Variants in SUZ12 observed in about 807,000 individuals in gnomAD.
SUZ12 encodes polycomb protein SUZ12.
Under a neutral mutation model 87.3 loss-of-function variants are expected in SUZ12, and 17 were observed. That is an observed-to-expected ratio of 0.19 (90% CI 0.13 to 0.29). SUZ12 has a LOEUF of 0.29. Ranked by LOEUF, SUZ12 falls within the 10% of genes least tolerant of loss-of-function variation. The probability of loss-of-function intolerance (pLI) is 1.00; values close to 1 mark genes in which losing one functional copy is unlikely to be tolerated. For missense variants in SUZ12, 526 were observed against 912.2 expected, an observed-to-expected ratio of 0.58 and a Z score of 5.45; for synonymous variants, 253 against 312.4, an observed-to-expected ratio of 0.81 and a Z score of 2.01.
At chr17:31,983,865 T>G (rs1909260236) in intron 9 of SUZ12, among the ~76,000 whole-genome samples, 1 of 152,242 alleles carries the variant, frequency 6.6e-6, no homozygotes, top group Non-Finnish European at 1.5e-5. Context: ...GAATTTAGAT[T>G]AAGCGTACTT....
chr17:31,958,011 T>C (rs929495465), intron 4 of SUZ12, among the ~76,000 whole-genome samples: 1 of 147,744 alleles, frequency 6.8e-6, no homozygotes, highest in African/African-American at 2.5e-5. Context: ...CATGCCATTC[T>C]CCTGCCTCAG....
chr17:31,982,339 TTTG>T (rs1341175522), intron 8 of SUZ12, among the ~76,000 whole-genome samples: 7 of 102,816 alleles, frequency 6.8e-5, no homozygotes, highest in African/African-American at 3.0e-4. Context: ...ACAAGCATTG[TTTG>T]TAACACTATT....
At position 31,947,756 on chromosome 17, in the gene SUZ12, C is replaced by T. The variant is rs2142129049; in HGVS notation, c.455+71C>T. 18 of 1,438,094 alleles carry T rather than the reference C, an allele frequency of 1.3e-5. 1 individual carries two copies. In the South Asian group the frequency reaches 2.4e-4, roughly 19 times the overall value. The allele number at this position is 1,438,094 out of a possible 1,614,324, so 89.1% of individuals were successfully genotyped here. Reference sequence around the variant, plus strand: ...GAGGAAAAATTACAGTGATCATTTTCCTAGTGATCACCTTGATATAAGGAG... The same window carrying T: ...GAGGAAAAATTACAGTGATCATTTTTCTAGTGATCACCTTGATATAAGGAG... On this transcript the variant is annotated intron_variant, in intron 4 of 15. Transcript: ENST00000322652.
intron 15 of SUZ12, among the ~76,000 whole-genome samples, chr17:31,997,662 T>G (rs1297286707): frequency 2.2e-5 from 2 of 89,822 alleles, no homozygotes; most frequent in African/African-American, 1.2e-4. Flanking sequence ...TGAGACCCTA[T>G]CTCCAAAAAA....
intron 9 of SUZ12, among the ~76,000 whole-genome samples, chr17:31,984,135 C>T (rs1909275440): frequency 6.6e-6 from 1 of 152,034 alleles, no homozygotes; most frequent in South Asian, 2.1e-4. Context: ...ATACGATATA[C>T]AGTAGTACAT....
At chr17:31,958,110 A>T (rs1907472026) in intron 4 of SUZ12, among the ~76,000 whole-genome samples, 1 of 150,782 alleles carries the variant, frequency 6.6e-6, no homozygotes. Flanking sequence ...TCACCGTGTT[A>T]GCCAGGATGT....
chr17:31,996,108 G>T (rs969284484), intron 14 of SUZ12, among the ~76,000 whole-genome samples: 6 of 152,156 alleles, frequency 3.9e-5, no homozygotes, highest in Admixed American at 3.9e-4. Context: ...TATTCAGTTG[G>T]CTGAGGCAGG....
intron 10 of SUZ12, among the ~76,000 whole-genome samples, chr17:31,991,542 C>T (rs1909720998): frequency 6.6e-6 from 1 of 151,608 alleles, no homozygotes; most frequent in African/African-American, 2.4e-5. Context: ...ATATAAATAC[C>T]TTTTTTTCTT....
chr17:31,956,212 C>T (rs1907324734), intron 4 of SUZ12, among the ~76,000 whole-genome samples: 1 of 151,708 alleles, frequency 6.6e-6, no homozygotes, highest in African/African-American at 2.4e-5. Flanking sequence ...CACGCCCAGC[C>T]AGTATTACTA....
At chr17:31,995,834 T>A in intron 14 of SUZ12, 72 bp downstream of exon 14, 5 of 1,073,412 alleles carry the variant, frequency 4.7e-6, no homozygotes, top group Non-Finnish European at 6.7e-6. Flanking sequence ...TACTATGAAC[T>A]AGACTTTTAT....
intron 4 of SUZ12, among the ~76,000 whole-genome samples, chr17:31,952,771 C>T (rs1378644710): frequency 2.6e-5 from 4 of 152,152 alleles, no homozygotes; most frequent in African/African-American, 9.6e-5. Flanking sequence ...CCATGTTGGT[C>T]AGGCTGGTCT....
Position 31,996,833 on chromosome 17 carries a change from G to C in SUZ12, c.1830G>C (p.Glu610Asp). The C allele has an allele frequency of 6.5e-7, 1 of 1,549,676 alleles. No homozygotes were observed. Among genetic ancestry groups the C allele is most frequent in the Non-Finnish European group, 8.6e-7 (1 of 1,158,494 alleles). The change falls in exon 15 of 16, where the codon GAG becomes GAC. Residue 610 changes from glutamate to aspartate, a missense_variant. Glu to Asp is a conservative substitution (Grantham distance 45). Coordinates refer to ENST00000322652, the MANE Select transcript of SUZ12 (RefSeq NM_015355.4). ...AGTTTTCTGATGTTAATGAAGGAGA[G>C]AAAGAAGTGATGAAACTCTGGAATC... ...IEEFSDVNEG[E>D]KEVMKLWNLH...
intron 10 of SUZ12, among the ~76,000 whole-genome samples, chr17:31,990,958 G>C (rs908503132): frequency 4.6e-5 from 7 of 151,978 alleles, no homozygotes; most frequent in South Asian, 2.1e-4. Context: ...CATCACCCAT[G>C]CTGGTCTCAA....
chr17:31,954,136 C>T (rs902966751), intron 4 of SUZ12, among the ~76,000 whole-genome samples: 6 of 152,104 alleles, frequency 3.9e-5, no homozygotes, highest in African/African-American at 9.7e-5. Flanking sequence ...CATCTCGGCT[C>T]ACTGCAACCT....
intron 7 of SUZ12, among the ~76,000 whole-genome samples, 190 bp from the exon 8 acceptor site, chr17:31,976,328 ATGT>A (rs1167190579): frequency 1.3e-5 from 2 of 152,232 alleles, no homozygotes; most frequent in Non-Finnish European, 2.9e-5. Flanking sequence ...TGTGGGGTTA[ATGT>A]TGTGATTGTT....
chr17:31,965,265 A>G (rs1028441840), intron 4 of SUZ12, among the ~76,000 whole-genome samples: 3 of 152,144 alleles, frequency 2.0e-5, no homozygotes, highest in Non-Finnish European at 4.4e-5. Flanking sequence ...TCTGTTCTGT[A>G]TAGCCCTCCA....
chr17:31,953,886 G>A (rs568791893), intron 4 of SUZ12, among the ~76,000 whole-genome samples: 10 of 151,472 alleles, frequency 6.6e-5, no homozygotes, highest in African/African-American at 2.4e-4. Flanking sequence ...GCTAATTTTT[G>A]TATTTTTAGT....
At chr17:31,996,054 C>A (rs1449954618) in intron 14 of SUZ12, among the ~76,000 whole-genome samples, 1 of 151,936 alleles carries the variant, frequency 6.6e-6, no homozygotes, top group South Asian at 2.1e-4. Context: ...ACTAAAAATA[C>A]AAAAAATTAG....
Position 31,989,632 on chromosome 17 carries a change from T to G in SUZ12, c.1201+1135T>G, listed in dbSNP as rs534444277. The stretch of plus-strand genomic sequence containing the variant: ...TTTGTTTTTTGAGACGAAGTCTCAC[T>G]CTGTTGCCCAGACTGGAGTGCAGTG... On this transcript the variant is annotated intron_variant, in intron 10 of 15. Coordinates refer to ENST00000322652, the MANE Select transcript of SUZ12 (RefSeq NM_015355.4). Among the ~76,000 whole-genome samples the G allele has an allele frequency of 2.6e-5, 4 of 151,992 alleles. No individual in the cohort carries two copies. The East Asian group carries it at 5.8e-4, about 22-fold the overall frequency.
Sources: gnomAD v4.1 joint callset for allele counts (sites outside exome capture counted in the v4.1 genomes callset) on GRCh38, gnomAD v4.1.1 for gene constraint, MANE v1.5 for transcripts, NCBI Gene and HGNC (gene_info 2026-07-23, HGNC 2026-07-21) for gene names.